AMMECR1: variants seen among roughly 807,000 people sequenced by gnomAD.
The protein encoded by AMMECR1 is nuclear protein AMMECR1.
In AMMECR1, 3 loss-of-function variants were observed where a neutral mutation model predicts 22.5. The observed-to-expected ratio is 0.13, with a 90% CI of 0.06 to 0.35. The LOEUF is 0.35. Among genes scored for constraint, AMMECR1 ranks in the 10% least tolerant of loss-of-function variants. The pLI, the probability that AMMECR1 is intolerant of heterozygous loss-of-function variation, is 1.00. For missense variants in AMMECR1, 235 were observed against 278.7 expected (o/e 0.84, Z 1.12); for synonymous variants, 130 against 116.7 (o/e 1.11, Z -0.74).
chrX:110,292,627 G>GT (rs756387266), intron 1 of AMMECR1, among the ~76,000 whole-genome samples: 15 of 112,370 alleles, frequency 1.3e-4, no homozygotes, highest in Non-Finnish European at 2.8e-4. Flanking sequence ...TCTACACACT[G>GT]TATGATTCCA....
intron 2 of AMMECR1, among the ~76,000 whole-genome samples, chrX:110,366,230 G>T (rs1489405451): frequency 2.7e-5 from 3 of 111,915 alleles, no homozygotes; most frequent in African/African-American, 9.7e-5. Context: ...TCTGAGGATT[G>T]ATGTTGATAG....
chrX:110,339,884 G>A (rs952535097), intron 2 of AMMECR1, among the ~76,000 whole-genome samples: 5 of 110,441 alleles, frequency 4.5e-5, no homozygotes, highest in African/African-American at 9.9e-5. Flanking sequence ...TTAGTTTTGA[G>A]TGACAAAACA....
At chrX:110,326,197 G>A (rs1177689085) in intron 2 of AMMECR1, among the ~76,000 whole-genome samples, 1 of 111,216 alleles carries the variant, frequency 9.0e-6, no homozygotes, top group African/African-American at 3.3e-5. Context: ...TCACCATGTT[G>A]GCTAGGCTGA....
chrX:110,419,109 G>A (rs1163609618), intron 2 of AMMECR1: 1 of 112,361 alleles, frequency 8.9e-6, no homozygotes, highest in Non-Finnish European at 1.9e-5. Context: ...AACATATGGA[G>A]CGCCTACCTT....
intron 1 of AMMECR1, among the ~76,000 whole-genome samples, chrX:110,283,232 T>G (rs1171913657): frequency 1.8e-5 from 2 of 111,805 alleles, no homozygotes; most frequent in African/African-American, 6.5e-5. Context: ...GGATAACTGT[T>G]CAAAACATTT....
intron 1 of AMMECR1, among the ~76,000 whole-genome samples, chrX:110,428,467 T>C (rs1283214819): frequency 1.8e-5 from 2 of 111,748 alleles, no homozygotes; most frequent in African/African-American, 6.5e-5. Context: ...GCAGAACGAA[T>C]AACTGAATCA....
At chrX:110,344,830 A>C (rs938597034) in intron 2 of AMMECR1, among the ~76,000 whole-genome samples, 1 of 111,609 alleles carries the variant, frequency 9.0e-6, no homozygotes, top group African/African-American at 3.3e-5. Context: ...GCGATCATTA[A>C]AAAGTCAGGA....
chrX:110,353,775 A>C (rs1202620150), intron 2 of AMMECR1, among the ~76,000 whole-genome samples: 2 of 111,918 alleles, frequency 1.8e-5, no homozygotes, highest in Non-Finnish European at 3.8e-5. Flanking sequence ...AATGATAGAA[A>C]ACCTTAAAGA....
At chrX:110,356,486 A>G (rs2068231133) in intron 2 of AMMECR1, among the ~76,000 whole-genome samples, 1 of 110,982 alleles carries the variant, frequency 9.0e-6, no homozygotes, top group Non-Finnish European at 1.9e-5. Flanking sequence ...GATGTATTGC[A>G]CTACATGGTA....
intron 2 of AMMECR1, among the ~76,000 whole-genome samples, chrX:110,417,803 A>T (rs776876465): frequency 8.9e-6 from 1 of 112,594 alleles, no homozygotes; most frequent in East Asian, 2.8e-4. Flanking sequence ...TTTACTGGCA[A>T]CTTCCAACAT....
intron 1 of AMMECR1, among the ~76,000 whole-genome samples, chrX:110,432,056 A>G (rs1209796318): frequency 8.9e-6 from 1 of 111,765 alleles, no homozygotes; most frequent in East Asian, 2.8e-4. Context: ...TTTATTCAAC[A>G]TTTCTTGAGC....
intron 1 of AMMECR1, among the ~76,000 whole-genome samples, chrX:110,307,864 C>CTTTT (rs1162615101): frequency 4.4e-4 from 28 of 63,600 alleles, no homozygotes; most frequent in Non-Finnish European, 5.5e-4. Context: ...TTTTTTTTTT[C>CTTTT]TTTTTTTTTT....
chrX:110,310,868 T>C (rs1326472504), intron 1 of AMMECR1, among the ~76,000 whole-genome samples: 1 of 111,847 alleles, frequency 8.9e-6, no homozygotes, highest in Non-Finnish European at 1.9e-5. Context: ...TAAGCCTAGT[T>C]AGTCTCCCCT....
At chrX:110,345,421 C>T (rs899749537) in intron 2 of AMMECR1, among the ~76,000 whole-genome samples, 7 of 110,075 alleles carry the variant, frequency 6.4e-5, no homozygotes, top group African/African-American at 2.0e-4. Context: ...GTGCAGCACA[C>T]CAACATGGCA....
chrX:110,334,997 G>A lies in AMMECR1; in HGVS notation c.-147-17148C>T, dbSNP rs137899650. 2.9e-3 allele frequency among the ~76,000 whole-genome samples: 323 copies of A among 112,116 alleles called. 8 individuals carry two copies. The East Asian group carries it at 0.069, about 24-fold the overall frequency. On this transcript the variant is annotated intron_variant, in intron 2 of 7. Transcript: ENST00000372057. Reference sequence around the variant, plus strand: ...TTGCACACTGATGGTTAAGGGCACTGACTCTGGATGGTGACTGCATTGCAC... The same window carrying A: ...TTGCACACTGATGGTTAAGGGCACTAACTCTGGATGGTGACTGCATTGCAC...
At chrX:110,252,017 T>C (rs1448715366) in intron 2 of AMMECR1, among the ~76,000 whole-genome samples, 1 of 112,183 alleles carries the variant, frequency 8.9e-6, no homozygotes, top group Non-Finnish European at 1.9e-5. Flanking sequence ...ACTATGCATG[T>C]ACTACAATAT....
At chrX:110,377,136 C>G (rs1005558404) in intron 2 of AMMECR1, among the ~76,000 whole-genome samples, 5 of 111,654 alleles carry the variant, frequency 4.5e-5, no homozygotes, top group Admixed American at 3.8e-4. Flanking sequence ...AAGATACTTA[C>G]AGGAGATAAC....
chrX:110,298,872 T>A (rs1210077297), intron 1 of AMMECR1, among the ~76,000 whole-genome samples: 1 of 112,080 alleles, frequency 8.9e-6, no homozygotes, highest in East Asian at 2.8e-4. Context: ...GAGCATACTA[T>A]AAACATATAT....
At chrX:110,305,559 C>A in intron 1 of AMMECR1, 1 of 111,439 alleles carries the variant, frequency 9.0e-6, no homozygotes, top group Non-Finnish European at 1.9e-5. Context: ...AAACAAACAA[C>A]TTTCAAGACC....
Sources: gnomAD v4.1 joint callset for allele counts (sites outside exome capture counted in the v4.1 genomes callset) on GRCh38, gnomAD v4.1.1 for gene constraint, MANE v1.5 for transcripts, NCBI Gene and HGNC (gene_info 2026-07-23, HGNC 2026-07-21) for gene names.